The following C19orf44 variants were observed in gnomAD, a reference collection of about 807,000 sequenced individuals.
C19orf44 encodes the protein chromosome 19 open reading frame 44.
A neutral mutation model predicts 50.7 loss-of-function variants in C19orf44; 43 were observed. The observed-to-expected ratio is 0.85, with a 90% CI of 0.66 to 1.09. The LOEUF (loss-of-function observed/expected upper bound fraction) is 1.09, where lower values mean the gene tolerates loss of function less well. C19orf44 is among the 50% of genes least tolerant of loss of function. C19orf44 has a pLI of 0.00. For missense variants in C19orf44, 722 were observed against 836.2 expected (o/e 0.86, Z 1.68); for synonymous variants, 298 against 334.7 (o/e 0.89, Z 1.20).
rs142142968 is a variant in C19orf44, at chr19:16,517,448, G to GAC, written c.*40+121_*40+122dup. The GAC allele has an allele frequency of 2.3e-3, 1,674 of 719,130 alleles. 19 individuals carry two copies. The African/African-American group carries it at 0.025, about 11-fold the overall frequency. The allele number at this position is 719,130 out of a possible 1,614,324, so 44.5% of individuals were successfully genotyped here. ...GGGGGCAGGTGGTACTGGGGTGATG[G>GAC]ACACACACACACACAGTCAGCATCC... On this transcript the variant is annotated intron_variant, in intron 8 of 8. Transcript: ENST00000221671.
At chr19:16,502,986 C>CAAA (rs61130725) in intron 2 of C19orf44, 79 bp from the exon 3 acceptor site, 21 of 1,181,964 alleles carry the variant, frequency 1.8e-5, no homozygotes, top group East Asian at 2.7e-5. Context: ...GACCCTTTCT[C>CAAA]AAAAAAAAAA....
At chr19:16,512,555 T>C (rs186025623) in intron 5 of C19orf44, among the ~76,000 whole-genome samples, 8 of 151,408 alleles carry the variant, frequency 5.3e-5, no homozygotes, top group Non-Finnish European at 7.4e-5. Context: ...CCTTGGGAAA[T>C]ACTTGAAAGG....
Position 16,501,468 on chromosome 19 carries a change from A to G in C19orf44, c.676A>G (p.Met226Val), listed in dbSNP as rs756795441. The change falls in exon 2 of 9, where the codon ATG becomes GTG. Residue 226 changes from methionine to valine, a missense_variant. By Grantham distance (21) the Met-to-Val change is conservative (BLOSUM62 1). Coordinates refer to ENST00000221671, the MANE Select transcript of C19orf44 (RefSeq NM_032207.4). ...AATGAAAGTATTGCTAGGAAGCTTGATGGACTCTTCTAGAGAAAAAAACAC... is the reference window on the plus strand; with the variant it reads ...AATGAAAGTATTGCTAGGAAGCTTGGTGGACTCTTCTAGAGAAAAAAACAC... ...EEMKVLLGSL[M>V]DSSREKNTNQ... 2.5e-6 allele frequency: 4 copies of G among 1,613,112 alleles called. No homozygotes were observed. Among genetic ancestry groups the G allele is most frequent in the East Asian group, 2.2e-5 (1 of 44,900 alleles).
At chr19:16,507,791 CTAT>C (rs558130158) in intron 4 of C19orf44, among the ~76,000 whole-genome samples, 2,253 of 149,304 alleles carry the variant, frequency 0.015, 56 homozygotes, top group African/African-American at 0.053. Flanking sequence ...TGCGCCTGGC[CTAT>C]TATTATTATT....
At position 16,517,219 on chromosome 19, in the gene C19orf44, C is replaced by T. The variant is rs748293347; in HGVS notation, c.1903-11C>T. ...CGATGGTGATGGCGTGGTCTGTTCT[C>T]TGCCTGACAGTACATTAGGTGCCAC... On this transcript the variant is annotated splice_polypyrimidine_tract_variant and intron_variant, in intron 7 of 8. Coordinates refer to ENST00000221671, the MANE Select transcript of C19orf44 (RefSeq NM_032207.4). The T allele has an allele frequency of 3.1e-6, 5 of 1,613,594 alleles. No individual in the cohort carries two copies. In the Admixed American group the frequency reaches 8.3e-5, roughly 27 times the overall value.
chr19:16,514,130 G>C (rs1247216481), intron 6 of C19orf44, among the ~76,000 whole-genome samples: 1 of 151,812 alleles, frequency 6.6e-6, no homozygotes, highest in African/African-American at 2.4e-5. Context: ...TGGGACTACA[G>C]GTGTCTGCCA....
chr19:16,511,188 C>T (rs2122210900), intron 5 of C19orf44, among the ~76,000 whole-genome samples: 1 of 152,140 alleles, frequency 6.6e-6, no homozygotes, highest in African/African-American at 2.4e-5. Context: ...AGGTATGTGC[C>T]ACCACGCCCA....
Position 16,509,536 on chromosome 19 carries a change from T to A in C19orf44, c.1187T>A (p.Ile396Asn), listed in dbSNP as rs537596369. 1 of 1,552,776 alleles carries A rather than the reference T, an allele frequency of 6.4e-7. No individual in the cohort carries two copies. Among genetic ancestry groups the A allele is most frequent in the East Asian group, 2.3e-5 (1 of 44,282 alleles). The change falls in exon 5 of 9, where the codon ATC (isoleucine) becomes AAC (asparagine). Residue 396 changes from isoleucine to asparagine, a missense_variant. By Grantham distance (149) the Ile-to-Asn change is moderately radical. Transcript: ENST00000221671. The stretch of plus-strand genomic sequence containing the variant: ...CAGAGACAAAAAACAGCTGGCAAAA[T>A]CTTCAGAGCCGAGGCGTCCACTGGG... Reference protein sequence around the residue: ...SAQRQKTAGKIFRAEASTGQD... With the variant: ...SAQRQKTAGKNFRAEASTGQD...
In C19orf44 at chr19:16,514,484, G is replaced by A. The variant is rs769947582; in HGVS notation, c.1736-13G>A. 15 of 1,589,068 alleles carry A rather than the reference G, an allele frequency of 9.4e-6. No individual in the cohort carries two copies. The highest frequency in any genetic ancestry group is 1.7e-4 in the Middle Eastern group (1 of 5,934). On this transcript the variant is annotated splice_polypyrimidine_tract_variant and intron_variant, in intron 6 of 8. Coordinates refer to ENST00000221671, the MANE Select transcript of C19orf44 (RefSeq NM_032207.4). The stretch of plus-strand genomic sequence containing the variant: ...CCCCAGCGAAGCCACCGAGTAACGC[G>A]GAGCTGGGTCAGCCCTGACCGCTTA...
rs868397276 is a variant in C19orf44 at position 16,519,496 on chromosome 19, G to T, written c.*41-598G>T. 2 of 1,247,374 alleles carry T rather than the reference G, an allele frequency of 1.6e-6. No homozygotes were observed. Among genetic ancestry groups the T allele is most frequent in the Non-Finnish European group, 2.3e-6 (2 of 866,472 alleles). The allele number at this position is 1,247,374 out of a possible 1,614,324, so 77.3% of individuals were successfully genotyped here. ...GGCCGGCCCTGTCTAGAGGGTCTGG[G>T]TGGAGTCAGAACCGGCCTGACTCCA... On this transcript the variant is annotated intron_variant, in intron 8 of 8. Transcript: ENST00000221671. The surrounding 1 kb of genome is among the most constrained non-coding windows in gnomAD (Gnocchi z 6.0).
At chr19:16,508,971 C>A (rs2093448529) in intron 4 of C19orf44, among the ~76,000 whole-genome samples, 1 of 152,078 alleles carries the variant, frequency 6.6e-6, no homozygotes, top group Non-Finnish European at 1.5e-5. Context: ...CAGATACGTG[C>A]CACCATGTCT....
Position 16,519,567 on chromosome 19 carries a change from G to A in C19orf44, c.*41-527G>A, listed in dbSNP as rs1599744204. Reference sequence around the variant, plus strand: ...GGAAGAGAAAGCGCTGGTGACTCCCGGGCCCAGCACGCGTGAGGACCCATC... The same window carrying A: ...GGAAGAGAAAGCGCTGGTGACTCCCAGGCCCAGCACGCGTGAGGACCCATC... On this transcript the variant is annotated intron_variant, in intron 8 of 8. Transcript: ENST00000221671. This position sits in a 1 kb window ranked among gnomAD's most constrained non-coding sequence, Gnocchi z 6.0. The A allele has an allele frequency of 8.0e-6, 12 of 1,504,442 alleles. No individual in the cohort carries two copies. The highest frequency in any genetic ancestry group is 5.6e-5 in the South Asian group (5 of 88,718). 93.2% of individuals were successfully genotyped at this position (1,504,442 alleles called of 1,614,324 possible). A position where few individuals can be genotyped will look rare whatever the true frequency, so the allele number is the denominator to read the frequency against.
At position 16,520,871 on chromosome 19, in the gene C19orf44, G is replaced by A; in HGVS notation, c.*818G>A. ...TTTCCTCCGCCGGGCCCGCATTTTTGCTCGGAAGAACTCATAGAGGCCGTT... is the reference window on the plus strand; with the variant it reads ...TTTCCTCCGCCGGGCCCGCATTTTTACTCGGAAGAACTCATAGAGGCCGTT... On this transcript the variant is annotated 3_prime_UTR_variant, in exon 9 of 9. Transcript: ENST00000221671. The surrounding 1 kb of genome is among the most constrained non-coding windows in gnomAD (Gnocchi z 4.0). 6.2e-7 allele frequency: 1 copy of A among 1,613,854 alleles called. No homozygotes were observed. The highest frequency in any genetic ancestry group is 8.5e-7 in the Non-Finnish European group (1 of 1,180,034).
intron 5 of C19orf44, among the ~76,000 whole-genome samples, chr19:16,512,306 TC>T (rs1471834165): frequency 6.6e-6 from 1 of 152,098 alleles, no homozygotes. Context: ...GAGGCTGTTT[TC>T]CTAGACTAGG....
At chr19:16,512,862 C>CA (rs561129339) in intron 5 of C19orf44, 152 bp from the exon 6 acceptor site, 58,470 of 497,084 alleles carry the variant, frequency 0.12, 336 homozygotes, top group Non-Finnish European at 0.12. Flanking sequence ...TGTCTCAAAC[C>CA]AAAAAAAAAA....
intron 4 of C19orf44, among the ~76,000 whole-genome samples, chr19:16,507,403 C>G (rs982692624): frequency 6.6e-6 from 1 of 151,912 alleles, no homozygotes; most frequent in Non-Finnish European, 1.5e-5. Flanking sequence ...GTCAGATACA[C>G]GTGTTGGTTA....
intron 7 of C19orf44, among the ~76,000 whole-genome samples, chr19:16,516,549 A>T (rs1568500935): frequency 6.6e-6 from 1 of 152,216 alleles, no homozygotes; most frequent in Non-Finnish European, 1.5e-5. Flanking sequence ...TCCAAAGTCC[A>T]TACTATCCGA....
At chr19:16,509,410 C>T (rs2093449808) in intron 4 of C19orf44, 89 bp from the exon 5 acceptor site, 3 of 1,487,220 alleles carry the variant, frequency 2.0e-6, no homozygotes, top group Middle Eastern at 2.2e-4. Flanking sequence ...GGGAGTGCTG[C>T]AGGTCCCCAG....
intron 7 of C19orf44, among the ~76,000 whole-genome samples, chr19:16,515,521 G>GT (rs1440262835): frequency 4.0e-5 from 6 of 151,624 alleles, no homozygotes; most frequent in African/African-American, 1.5e-4. Flanking sequence ...CATAGTATGC[G>GT]TATTTCTTTT....
Sources: gnomAD v4.1 joint callset for allele counts (sites outside exome capture counted in the v4.1 genomes callset) on GRCh38, gnomAD v4.1.1 for gene constraint, Gnocchi (gnomAD v3.1) non-coding constraint, MANE v1.5 for transcripts, NCBI Gene and HGNC (gene_info 2026-07-23, HGNC 2026-07-21) for gene names.